The following CNTNAP2 variants were observed in gnomAD, a reference collection of about 807,000 sequenced individuals.
CNTNAP2 encodes the protein contactin-associated protein-like 2.
In CNTNAP2, 98 loss-of-function variants were observed where a neutral mutation model predicts 155.2. The observed-to-expected ratio is 0.63, with a 90% CI of 0.54 to 0.75. The LOEUF (loss-of-function observed/expected upper bound fraction) is 0.75. CNTNAP2 is among the 30% of genes least tolerant of loss of function. The pLI, the probability that CNTNAP2 is intolerant of heterozygous loss-of-function variation, is 0.00. For synonymous variants in CNTNAP2, 651 were observed against 631.2 expected, an observed-to-expected ratio of 1.03 and a Z score of -0.47; for missense variants, 1,727 against 1,688.1, an observed-to-expected ratio of 1.02 and a Z score of -0.40.
At chr7:146,460,538 A>G (rs1227532265) in intron 1 of CNTNAP2, among the ~76,000 whole-genome samples, 6 of 152,194 alleles carry the variant, frequency 3.9e-5, no homozygotes, top group Admixed American at 2.6e-4. Context: ...ATGTCTATTG[A>G]CTGATAAATG....
Position 148,172,364 on chromosome 7 carries a change from C to T in CNTNAP2, c.2896C>T (p.His966Tyr), listed in dbSNP as rs1350759703. 11 of 1,614,094 alleles carry T rather than the reference C, an allele frequency of 6.8e-6. No individual in the cohort carries two copies. The highest frequency in any genetic ancestry group is 9.3e-6 in the Non-Finnish European group (11 of 1,180,022). The change falls in exon 18 of 24, where the codon CAT becomes TAT. Residue 966 changes from histidine (H) to tyrosine (Y), a missense_variant. Transcript: ENST00000361727. ...TSGFISGCSG[H>Y]CTSYGTNCEN... The stretch of plus-strand genomic sequence containing the variant: ...TGGGTTCATATCCGGATGCTCGGGC[C>T]ATTGCACCAGCTATGGAACAAACTG...
chr7:148,287,462 G>C (rs1797103490), intron 21 of CNTNAP2, among the ~76,000 whole-genome samples: 1 of 152,160 alleles, frequency 6.6e-6, no homozygotes, highest in African/African-American at 2.4e-5. Flanking sequence ...CACCGATTGA[G>C]TGATTGTTTT....
chr7:148,129,111 C>T (rs904544284), intron 16 of CNTNAP2, among the ~76,000 whole-genome samples: 1 of 152,282 alleles, frequency 6.6e-6, no homozygotes, highest in East Asian at 1.9e-4. Context: ...GCTTGTCCCT[C>T]GGCTGGGGCT....
chr7:146,117,273 T>C (rs1431811365), intron 1 of CNTNAP2: 1 of 395,514 alleles, frequency 2.5e-6, no homozygotes, highest in Non-Finnish European at 4.7e-6. Flanking sequence ...AGGAGTTGTT[T>C]GTGCAGGGAG....
At chr7:147,489,345 G>C (rs1234719512) in intron 11 of CNTNAP2, among the ~76,000 whole-genome samples, 4 of 152,202 alleles carry the variant, frequency 2.6e-5, no homozygotes, top group African/African-American at 9.6e-5. Flanking sequence ...ACAGAAGATA[G>C]TCAGATCACA....
chr7:146,131,926 C>G (rs1797720446), intron 1 of CNTNAP2, among the ~76,000 whole-genome samples: 1 of 152,140 alleles, frequency 6.6e-6, no homozygotes, highest in Non-Finnish European at 1.5e-5. Context: ...CGAATTTACT[C>G]TCTCCTGCCA....
intron 1 of CNTNAP2, among the ~76,000 whole-genome samples, chr7:146,759,202 A>G (rs1271190659): frequency 6.6e-6 from 1 of 152,166 alleles, no homozygotes; most frequent in African/African-American, 2.4e-5. Flanking sequence ...CTAGAAATCA[A>G]TGCAACATAT....
chr7:148,173,622 C>T (rs1169631997), intron 18 of CNTNAP2, among the ~76,000 whole-genome samples: 1 of 152,214 alleles, frequency 6.6e-6, no homozygotes, highest in East Asian at 1.9e-4. Flanking sequence ...TGGAAAGGAA[C>T]ACCATTGCAG....
chr7:146,872,044 G>T (rs953538580), intron 3 of CNTNAP2, among the ~76,000 whole-genome samples: 2 of 151,880 alleles, frequency 1.3e-5, no homozygotes, highest in African/African-American at 4.8e-5. Flanking sequence ...AATGTTGGCT[G>T]ATGGGAGAAT....
At chr7:146,519,813 C>G (rs1797592157) in intron 1 of CNTNAP2, among the ~76,000 whole-genome samples, 1 of 151,786 alleles carries the variant, frequency 6.6e-6, no homozygotes. Context: ...GTTCTTTGGT[C>G]TGTAAATTCA....
chr7:148,376,007 A>C lies in CNTNAP2; in HGVS notation c.3476-7642A>C. Reference sequence around the variant, plus strand: ...AGAGCAAGACTCCATCTCAAAAAAAAAAAGAAAAAAAGAAACGTGAGTGAC... The same window carrying C: ...AGAGCAAGACTCCATCTCAAAAAAACAAAGAAAAAAAGAAACGTGAGTGAC... On this transcript the variant is annotated intron_variant, in intron 21 of 23. Coordinates refer to ENST00000361727, the MANE Select transcript of CNTNAP2 (RefSeq NM_014141.6). Among the ~76,000 whole-genome samples the C allele has an allele frequency of 3.1e-5, 2 of 64,224 alleles. 1 individual carries two copies. The allele number at this position is 64,224 out of a possible 152,430, so 42.1% of individuals were successfully genotyped here.
At chr7:147,239,574 G>A (rs1803894958) in intron 8 of CNTNAP2, among the ~76,000 whole-genome samples, 2 of 149,920 alleles carry the variant, frequency 1.3e-5, no homozygotes, top group African/African-American at 4.9e-5. Context: ...CATACTTAAA[G>A]TTAATAACCA....
intron 4 of CNTNAP2, among the ~76,000 whole-genome samples, chr7:147,057,885 C>A (rs1418866697): frequency 3.3e-5 from 5 of 152,098 alleles, no homozygotes; most frequent in African/African-American, 1.2e-4. Context: ...TTGATAAGGA[C>A]AATATTTATG....
intron 22 of CNTNAP2, among the ~76,000 whole-genome samples, chr7:148,388,012 T>C (rs975620066): frequency 6.6e-6 from 1 of 152,038 alleles, no homozygotes; most frequent in Admixed American, 6.5e-5. Flanking sequence ...AGTTACCCTA[T>C]AGGGCCTAAA....
rs750371666 is a variant in CNTNAP2, at chr7:148,140,421, C to CTT, written c.2555-7054_2555-7053dup. Reference sequence around the variant, plus strand: ...GTAAGGCCCCATCTTTTTTCTTTTTCTTTTTTTTTTTTTTTTTGAGACAGA... The same window carrying CTT: ...GTAAGGCCCCATCTTTTTTCTTTTTCTTTTTTTTTTTTTTTTTTTGAGACAGA... On this transcript the variant is annotated intron_variant, in intron 16 of 23. Coordinates refer to ENST00000361727, the MANE Select transcript of CNTNAP2 (RefSeq NM_014141.6). Among the ~76,000 whole-genome samples the CTT allele has an allele frequency of 9.5e-4, 128 of 135,372 alleles. 2 individuals carry two copies. The highest frequency in any genetic ancestry group is 7.9e-3 in the Middle Eastern group (2 of 252). The allele number at this position is 135,372 out of a possible 152,430, so 88.8% of individuals were successfully genotyped here.
chr7:147,200,433 A>G (rs1351198359), intron 8 of CNTNAP2, among the ~76,000 whole-genome samples: 1 of 152,140 alleles, frequency 6.6e-6, no homozygotes, highest in African/African-American at 2.4e-5. Context: ...GCCCTAATTC[A>G]GAGGGTCTGC....
intron 9 of CNTNAP2, among the ~76,000 whole-genome samples, chr7:147,390,740 C>T (rs535014349): frequency 2.0e-5 from 3 of 152,190 alleles, no homozygotes; most frequent in African/African-American, 7.2e-5. Context: ...ACTACTGCAA[C>T]ATTCTGTGTC....
At chr7:147,224,804 A>C (rs569264341) in intron 8 of CNTNAP2, among the ~76,000 whole-genome samples, 2 of 152,180 alleles carry the variant, frequency 1.3e-5, no homozygotes, top group Non-Finnish European at 2.9e-5. Context: ...ACACACATAA[A>C]CACACATATA....
At chr7:148,115,824 A>G (rs1804456772) in intron 15 of CNTNAP2, among the ~76,000 whole-genome samples, 1 of 151,924 alleles carries the variant, frequency 6.6e-6, no homozygotes, top group African/African-American at 2.4e-5. Flanking sequence ...ACTGAAATCT[A>G]TGATTTTATA....
Sources: gnomAD v4.1 joint callset for allele counts (sites outside exome capture counted in the v4.1 genomes callset) on GRCh38, gnomAD v4.1.1 for gene constraint, MANE v1.5 for transcripts, NCBI Gene and HGNC (gene_info 2026-07-23, HGNC 2026-07-21) for gene names.